The following TRDN variants were observed in gnomAD, a reference collection of about 807,000 sequenced individuals.
TRDN encodes triadin, also known as triadin in skeletal muscle.
Under a neutral mutation model 149.7 loss-of-function variants are expected in TRDN, and 161 were observed. The observed-to-expected ratio is 1.08, with a 90% confidence interval of 0.95 to 1.23. The LOEUF (loss-of-function observed/expected upper bound fraction) is 1.23, where lower values mean the gene tolerates loss of function less well. Among genes scored for constraint, TRDN ranks in the 50% most tolerant of loss-of-function variants. The probability of loss-of-function intolerance (pLI) is 0.00; values close to 1 mark genes in which losing one functional copy is unlikely to be tolerated. For synonymous variants in TRDN, 294 were observed against 250.5 expected, an observed-to-expected ratio of 1.17 and a Z score of -1.64; for missense variants, 896 against 823.5, an observed-to-expected ratio of 1.09 and a Z score of -1.08.
At chr6:123,377,789 A>G in intron 17 of TRDN, 47 bp from the exon 18 acceptor site, 5 of 1,610,896 alleles carry the variant, frequency 3.1e-6, no homozygotes, top group Non-Finnish European at 4.2e-6. Flanking sequence ...TATGTCATTC[A>G]ATTGTAATTC....
chr6:123,271,650 C>A (rs1211275165), intron 29 of TRDN, among the ~76,000 whole-genome samples: 2 of 151,910 alleles, frequency 1.3e-5, no homozygotes, highest in Non-Finnish European at 2.9e-5. Flanking sequence ...AAAGTTGATG[C>A]CTTTGTGGGA....
intron 2 of TRDN, among the ~76,000 whole-genome samples, chr6:123,569,680 C>A (rs1046734853): frequency 8.5e-5 from 13 of 152,090 alleles, no homozygotes; most frequent in African/African-American, 3.1e-4. Flanking sequence ...GAGAGAGGAG[C>A]AGGCATGTCA....
chr6:123,556,373 T>C (rs1246372476), intron 2 of TRDN, among the ~76,000 whole-genome samples: 2 of 152,122 alleles, frequency 1.3e-5, no homozygotes, highest in Non-Finnish European at 2.9e-5. Flanking sequence ...AGAGACCATA[T>C]ACATAGGTTG....
chr6:123,599,163 A>G (rs947993934), intron 1 of TRDN, among the ~76,000 whole-genome samples: 3 of 152,136 alleles, frequency 2.0e-5, no homozygotes, highest in Non-Finnish European at 4.4e-5. Flanking sequence ...ATATTCTTAC[A>G]TATAAATATG....
intron 1 of TRDN, among the ~76,000 whole-genome samples, chr6:123,592,759 C>T (rs1783843707): frequency 6.6e-6 from 1 of 152,112 alleles, no homozygotes; most frequent in Admixed American, 6.6e-5. Context: ...ATTGTGGTTG[C>T]TTTAGAGCTC....
At chr6:123,473,313 C>T (rs1212546181) in intron 9 of TRDN, among the ~76,000 whole-genome samples, 4 of 152,060 alleles carry the variant, frequency 2.6e-5, no homozygotes, top group East Asian at 1.9e-4. Context: ...GCCTCAGGAG[C>T]CGATGCGATC....
chr6:123,388,234 T>C lies in TRDN; in HGVS notation c.1135+288A>G, dbSNP rs528828084. Among the ~76,000 whole-genome samples the C allele has an allele frequency of 2.7e-4, 41 of 152,276 alleles. No individual in the cohort carries two copies. The South Asian group carries it at 7.7e-3, about 28-fold the overall frequency. ...GATGAGAATGAGTCTGTATTTTACA[T>C]AGTTCTGAAATTTGATAAAACTGTC... is the stretch of plus-strand genomic sequence containing the variant. On this transcript the variant is annotated intron_variant, in intron 14 of 40. Transcript: ENST00000334268.
intron 24 of TRDN, among the ~76,000 whole-genome samples, chr6:123,313,097 T>C (rs1283837944): frequency 6.6e-6 from 1 of 152,172 alleles, no homozygotes; most frequent in African/African-American, 2.4e-5. Context: ...TGTGATTGCA[T>C]TTTTAGATTC....
chr6:123,555,855 C>T (rs1781627592), intron 2 of TRDN, among the ~76,000 whole-genome samples: 1 of 151,938 alleles, frequency 6.6e-6, no homozygotes, highest in Admixed American at 6.6e-5. Context: ...AGGTGGAGGC[C>T]AATGAAAATT....
At chr6:123,312,353 T>C (rs1056328404) in intron 24 of TRDN, among the ~76,000 whole-genome samples, 3 of 151,912 alleles carry the variant, frequency 2.0e-5, no homozygotes, top group Admixed American at 1.3e-4. Context: ...TTCCTCCTCC[T>C]CCTCAGCCTA....
intron 12 of TRDN, among the ~76,000 whole-genome samples, chr6:123,432,433 C>CAAA (rs35511361): frequency 6.9e-6 from 1 of 144,184 alleles, no homozygotes. Context: ...GTATTATCTC[C>CAAA]AAAAAAAAAA....
rs540516694 is a variant in TRDN, at chr6:123,433,143, AAT to A, written c.1051+4918_1051+4919del. Among the ~76,000 whole-genome samples the A allele has an allele frequency of 1.9e-3, 185 of 96,432 alleles. 3 individuals carry two copies. Among genetic ancestry groups the A allele is most frequent in the Middle Eastern group, 0.012 (2 of 166 alleles). 63.3% of individuals were successfully genotyped at this position (96,432 alleles called of 152,430 possible). The stretch of plus-strand genomic sequence containing the variant: ...CACTCCCCTTCCCCCACACATCATA[AAT>A]ATATATATATATATATAATATATAT... On this transcript the variant is annotated intron_variant, in intron 12 of 40. Coordinates refer to ENST00000334268, the MANE Select transcript of TRDN (RefSeq NM_006073.4).
intron 9 of TRDN, 39 bp downstream of exon 9, chr6:123,497,154 A>T: frequency 6.9e-7 from 1 of 1,448,800 alleles, no homozygotes. Context: ...AGAAACAAAG[A>T]CTATTAAAAC....
intron 21 of TRDN, among the ~76,000 whole-genome samples, chr6:123,348,421 G>C (rs1048581085): frequency 2.3e-4 from 35 of 152,186 alleles, no homozygotes; most frequent in African/African-American, 7.9e-4. Flanking sequence ...TTTAATTTTA[G>C]AGTATGAAAC....
At chr6:123,457,706 A>G (rs1776212158) in intron 10 of TRDN, 2 of 311,044 alleles carry the variant, frequency 6.4e-6, no homozygotes, top group Admixed American at 4.1e-5. Context: ...AAAGATACCT[A>G]TGTTACCTCA....
intron 24 of TRDN, among the ~76,000 whole-genome samples, chr6:123,309,947 A>G (rs1778753925): frequency 6.6e-6 from 1 of 152,046 alleles, no homozygotes; most frequent in Non-Finnish European, 1.5e-5. Flanking sequence ...AAAGGTAAAC[A>G]AATGTAAAGA....
chr6:123,551,338 T>G (rs1471234494), intron 2 of TRDN, among the ~76,000 whole-genome samples: 1 of 89,008 alleles, frequency 1.1e-5, no homozygotes, highest in Non-Finnish European at 2.2e-5. Context: ...TTCCAAAACC[T>G]AAATACACAC....
At chr6:123,510,304 G>A (rs1445616634) in intron 7 of TRDN, 2 of 151,946 alleles carry the variant, frequency 1.3e-5, no homozygotes, top group African/African-American at 4.8e-5. Flanking sequence ...TTTACATTTA[G>A]TAGCTAAACT....
At chr6:123,265,632 A>C (rs1329658991) in intron 32 of TRDN, among the ~76,000 whole-genome samples, 2 of 150,448 alleles carry the variant, frequency 1.3e-5, no homozygotes, top group Admixed American at 6.7e-5. Context: ...CAAAAATCTG[A>C]ACTTCTTACT....
Sources: gnomAD v4.1 joint callset for allele counts (sites outside exome capture counted in the v4.1 genomes callset) on GRCh38, gnomAD v4.1.1 for gene constraint, MANE v1.5 for transcripts, NCBI Gene and HGNC (gene_info 2026-07-23, HGNC 2026-07-21) for gene names.